Variants in AZU1 observed in about 807,000 individuals in gnomAD.
AZU1 encodes the protein azurocidin 1, also known as azurocidin.
AZU1 carries 21 observed loss-of-function variants against 17.8 expected under a neutral mutation model. That is an observed-to-expected ratio of 1.18 (90% CI 0.84 to 1.70). The LOEUF (loss-of-function observed/expected upper bound fraction) is 1.70. Among genes scored for constraint, AZU1 ranks in the 40% most tolerant of loss-of-function variants. The pLI is 0.00. For missense variants in AZU1, 379 were observed against 362.9 expected, an observed-to-expected ratio of 1.04 and a Z score of -0.36; for synonymous variants, 178 against 155.2, an observed-to-expected ratio of 1.15 and a Z score of -1.09.
chr19:827,950 C>T (rs919846579), intron 1 of AZU1, 46 bp downstream of exon 1: 23 of 1,534,528 alleles, frequency 1.5e-5, no homozygotes, highest in Admixed American at 1.2e-4. Flanking sequence ...TGCTAGGGCC[C>T]GGCTGCCAGG....
At position 828,396 on chromosome 19, in the gene AZU1, C is replaced by A; in HGVS notation, c.215+10C>A. 1 of 1,563,960 alleles carries A rather than the reference C, an allele frequency of 6.4e-7. No individual in the cohort carries two copies. The highest frequency in any genetic ancestry group is 1.2e-5 in the South Asian group (1 of 84,944). ...GCTGCTTCCAAAGCCAGTGAGGGGT[C>A]CTGGGGAGGGGGCCTAGGGGGCATT... On this transcript the variant is annotated intron_variant, in intron 2 of 4. Transcript: ENST00000233997.
In AZU1 at chr19:831,927, G is replaced by A; in HGVS notation, c.*50G>A. On this transcript the variant is annotated 3_prime_UTR_variant, in exon 5 of 5. Transcript: ENST00000233997. ...CCCAGCCCCGCCCTCCACACCTCCG[G>A]CGCTCCGCACCCACCTCCCACGGCC... 1 of 1,571,440 alleles carries A rather than the reference G, an allele frequency of 6.4e-7. No homozygotes were observed. The highest frequency in any genetic ancestry group is 1.1e-5 in the South Asian group (1 of 87,062).
At position 829,587 on chromosome 19, in the gene AZU1, C is replaced by G; in HGVS notation, c.241C>G (p.Leu81Val). 6.2e-7 allele frequency: 1 copy of G among 1,613,260 alleles called. No individual in the cohort carries two copies. Among genetic ancestry groups the G allele is most frequent in the South Asian group, 1.1e-5 (1 of 91,078 alleles). ...GAACCCCGGGGTTAGCACCGTGGTG[C>G]TGGGTGCCTATGACCTGAGGCGGCG... ...SQNPGVSTVV[L>V]GAYDLRRRER... The change falls in exon 3 of 5, where the codon CTG becomes GTG. Residue 81 changes from leucine (L) to valine (V), a missense_variant. Leu to Val is a conservative substitution (Grantham distance 32). Coordinates refer to ENST00000233997, the MANE Select transcript of AZU1 (RefSeq NM_001700.5).
chr19:829,705 A>G lies in AZU1; in HGVS notation c.359A>G (p.Gln120Arg). 1 of 1,612,970 alleles carries G rather than the reference A, an allele frequency of 6.2e-7. No individual in the cohort carries two copies. The highest frequency in any genetic ancestry group is 8.5e-7 in the Non-Finnish European group (1 of 1,179,742). The change falls in exon 3 of 5, where the codon CAG becomes CGG. Residue 120 changes from glutamine (Q) to arginine (R), a missense_variant and splice_region_variant. Transcript: ENST00000233997. ...QQNLNDLMLL[Q>R]LDREANLTSS... ...AACCTGAACGACCTGATGCTGCTTC[A>G]GGTGAGAGGATGGTGCCACCTGTGA... is the stretch of plus-strand genomic sequence containing the variant.
chr19:828,885 G>T (rs9797852), intron 2 of AZU1, among the ~76,000 whole-genome samples: 1 of 140,040 alleles, frequency 7.1e-6, no homozygotes, highest in Non-Finnish European at 1.5e-5. Flanking sequence ...AAGGGCCTCA[G>T]ATGGAGGAGG....
At chr19:828,092 T>G in intron 1 of AZU1, 138 bp from the exon 2 acceptor site, 3 of 1,322,834 alleles carry the variant, frequency 2.3e-6, no homozygotes, top group Non-Finnish European at 3.1e-6. Flanking sequence ...CCTGTCCTCT[T>G]AGGGAGTGGG....
intron 2 of AZU1, 122 bp downstream of exon 2, chr19:828,508 G>T: frequency 1.9e-6 from 2 of 1,078,134 alleles, no homozygotes; most frequent in Non-Finnish European, 1.3e-6. Context: ...AAAAGGAGGG[G>T]CTCAGGGAAA....
intron 1 of AZU1, 144 bp downstream of exon 1, chr19:828,048 G>A (rs1244877742): frequency 1.3e-5 from 18 of 1,386,880 alleles, no homozygotes; most frequent in Non-Finnish European, 1.6e-5. Context: ...CGCGAAAGGC[G>A]TGAGGGCGGA....
rs533210773 is a variant in AZU1, at chr19:828,349, C to G, written c.178C>G (p.Arg60Gly). The G allele has an allele frequency of 1.3e-6, 2 of 1,599,134 alleles. No individual in the cohort carries two copies. Among genetic ancestry groups the G allele is most frequent in the South Asian group, 1.1e-5 (1 of 90,060 alleles). The change falls in exon 2 of 5, where the codon CGC becomes GGC. Residue 60 changes from arginine (R) to glycine (G), a missense_variant. Arg to Gly is a moderately radical substitution (Grantham distance 125, BLOSUM62 -2). Coordinates refer to ENST00000233997, the MANE Select transcript of AZU1 (RefSeq NM_001700.5). ...CTGCGGGGGTGCCCTGATCCATGCC[C>G]GCTTCGTGATGACCGCGGCCAGCTG... ...HFCGGALIHA[R>G]FVMTAASCFQ...
rs1438227457 is a variant in AZU1, at chr19:830,792, T to G, written c.445T>G (p.Cys149Gly). 6.2e-7 allele frequency: 1 copy of G among 1,606,138 alleles called. No homozygotes were observed. Among genetic ancestry groups the G allele is most frequent in the Non-Finnish European group, 8.5e-7 (1 of 1,179,922 alleles). Reference protein sequence around the residue: ...QNATVEAGTRCQVAGWGSQRS... With the variant: ...QNATVEAGTRGQVAGWGSQRS... ...CGCCACGGTGGAAGCCGGCACCAGA[T>G]GCCAGGTGGCCGGCTGGGGGAGCCA... The change falls in exon 4 of 5, where the codon TGC becomes GGC. Residue 149 changes from cysteine to glycine, a missense_variant. Transcript: ENST00000233997.
intron 2 of AZU1, among the ~76,000 whole-genome samples, chr19:829,354 G>A (rs2035257582): frequency 7.0e-6 from 1 of 143,530 alleles, no homozygotes; most frequent in African/African-American, 2.6e-5. Context: ...GGCTCAGATG[G>A]AGGAGGAGGC....
At chr19:830,379 G>A (rs1333788482) in intron 3 of AZU1, among the ~76,000 whole-genome samples, 1 of 152,200 alleles carries the variant, frequency 6.6e-6, no homozygotes, top group East Asian at 1.9e-4. Context: ...ACAGAATCAT[G>A]TGAATGTTTT....
chr19:828,525 G>T, intron 2 of AZU1, 139 bp downstream of exon 2: 1 of 951,216 alleles, frequency 1.1e-6, no homozygotes, highest in East Asian at 2.9e-5. Context: ...GAAAGGAGGG[G>T]GCTTGGAGAG....
chr19:830,586 G>C, intron 3 of AZU1, 122 bp from the exon 4 acceptor site: 1 of 887,888 alleles, frequency 1.1e-6, no homozygotes, highest in East Asian at 2.8e-5. Flanking sequence ...GGCCCCTGCC[G>C]GGAATTAAAC....
At chr19:828,083 CT>C (rs2035236741) in intron 1 of AZU1, 146 bp from the exon 2 acceptor site, 4 of 1,336,610 alleles carry the variant, frequency 3.0e-6, no homozygotes, top group East Asian at 2.4e-5. Context: ...CAGGGGCCCC[CT>C]GTCCTCTTAG....
In AZU1 at chr19:830,128, C is replaced by T. The variant is rs551577261; in HGVS notation, c.360+422C>T. On this transcript the variant is annotated intron_variant, in intron 3 of 4. Transcript: ENST00000233997. ...TACAAAAATTAGCCAGGCATGGCAG[C>T]GGGCGCCTCTAGTCCCAGCTACTCA... 7.3e-4 allele frequency among the ~76,000 whole-genome samples: 111 copies of T among 152,072 alleles called. 1 individual carries two copies. In the East Asian group the frequency reaches 0.017, roughly 24 times the overall value.
Position 830,768 on chromosome 19 carries a change from G to A in AZU1, c.421G>A (p.Ala141Thr), listed in dbSNP as rs28664760. 737 of 1,603,916 alleles carry A rather than the reference G, an allele frequency of 4.6e-4. 1 individual carries two copies. In the African/African-American group the frequency reaches 6.7e-3, roughly 15 times the overall value. Residue 141 changes from alanine (A) to threonine (T), a missense_variant, in exon 4 of 5, where the codon GCC (alanine) becomes ACC (threonine). Ala to Thr is a moderately conservative substitution (Grantham distance 58). Transcript: ENST00000233997. ...VTILPLPLQN[A>T]TVEAGTRCQV... is the part of the protein sequence containing the mutation. Reference sequence around the variant, plus strand: ...GATACTGCCACTGCCTCTGCAGAACGCCACGGTGGAAGCCGGCACCAGATG... The same window carrying A: ...GATACTGCCACTGCCTCTGCAGAACACCACGGTGGAAGCCGGCACCAGATG...
chr19:830,022 G>A (rs1366175004), intron 3 of AZU1, among the ~76,000 whole-genome samples: 1 of 151,688 alleles, frequency 6.6e-6, no homozygotes, highest in African/African-American at 2.4e-5. Context: ...AGCATTTTGG[G>A]AGGCCGAGGT....
chr19:830,993 C>T (rs540843317), intron 4 of AZU1, 52 bp downstream of exon 4: 13 of 1,546,112 alleles, frequency 8.4e-6, no homozygotes, highest in Admixed American at 1.7e-5. Context: ...CTGAGCTCTC[C>T]GTGGCAGGAG....
Sources: gnomAD v4.1 joint callset for allele counts (sites outside exome capture counted in the v4.1 genomes callset) on GRCh38, gnomAD v4.1.1 for gene constraint, MANE v1.5 for transcripts, NCBI Gene and HGNC (gene_info 2026-07-23, HGNC 2026-07-21) for gene names.